RALYL: variants seen among roughly 807,000 people sequenced by gnomAD.
RALYL encodes RNA-binding Raly-like protein.
A neutral mutation model predicts 35.1 loss-of-function variants in RALYL; 29 were observed. The observed-to-expected ratio is 0.83, with a 90% CI of 0.61 to 1.13. The LOEUF is 1.13. RALYL is among the 50% of genes most tolerant of loss of function. The pLI, the probability that RALYL is intolerant of heterozygous loss-of-function variation, is 0.00. For missense variants in RALYL, 359 were observed against 360.4 expected (o/e 1.00, Z 0.03); for synonymous variants, 120 against 127.6 (o/e 0.94, Z 0.40).
chr8:84,376,901 C>T (rs747628484), intron 1 of RALYL, among the ~76,000 whole-genome samples: 3 of 151,714 alleles, frequency 2.0e-5, no homozygotes, highest in Non-Finnish European at 4.4e-5. Context: ...ATTTACCCTA[C>T]CTGGAATACT....
chr8:84,390,669 C>T (rs1159939068), intron 1 of RALYL, among the ~76,000 whole-genome samples: 2 of 152,012 alleles, frequency 1.3e-5, no homozygotes, highest in Non-Finnish European at 2.9e-5. Context: ...GTTTCTATTT[C>T]TGTGGGATCA....
intron 2 of RALYL, among the ~76,000 whole-genome samples, chr8:84,621,777 A>G (rs1260925355): frequency 1.3e-5 from 2 of 152,212 alleles, no homozygotes. Flanking sequence ...ATTGTAAGAG[A>G]TGAGTTCTAA....
chr8:84,617,846 A>T (rs1820187479), intron 2 of RALYL, among the ~76,000 whole-genome samples: 1 of 151,722 alleles, frequency 6.6e-6, no homozygotes, highest in African/African-American at 2.4e-5. Flanking sequence ...ATCTATTGAG[A>T]TAATCATGTG....
rs775564493 is a variant in RALYL at position 84,529,618 on chromosome 8, A to G, written c.256+41A>G. The G allele has an allele frequency of 3.8e-6, 6 of 1,568,668 alleles. No individual in the cohort carries two copies. In the Admixed American group the frequency reaches 7.0e-5, roughly 18 times the overall value. On this transcript the variant is annotated intron_variant, in intron 2 of 8. Transcript: ENST00000521268. ...ACATGGATCTCACGTTATTGTTCAT[A>G]TATCTGGAAATTGTTTTATTTCACA...
At chr8:84,821,442 T>C (rs529060379) in intron 4 of RALYL, among the ~76,000 whole-genome samples, 2 of 152,318 alleles carry the variant, frequency 1.3e-5, no homozygotes, top group East Asian at 1.9e-4. Flanking sequence ...TCTTCTGAGT[T>C]TCATCTGCAC....
chr8:84,283,389 A>G, intron 1 of RALYL, among the ~76,000 whole-genome samples: 1 of 152,118 alleles, frequency 6.6e-6, no homozygotes, highest in East Asian at 1.9e-4. Context: ...CCATCAAAGG[A>G]AAAAAGGCAA....
intron 6 of RALYL, chr8:84,864,986 GCTAA>G (rs1356444277): frequency 3.0e-5 from 6 of 201,978 alleles, no homozygotes; most frequent in Admixed American, 1.2e-4. Flanking sequence ...AGTCACAAAA[GCTAA>G]CTGTTGATTA....
chr8:84,260,010 C>G (rs1464326327), intron 1 of RALYL, among the ~76,000 whole-genome samples: 2 of 152,130 alleles, frequency 1.3e-5, no homozygotes, highest in Admixed American at 6.6e-5. Context: ...GCATTAAAAA[C>G]TGACTGTGTA....
intron 1 of RALYL, among the ~76,000 whole-genome samples, chr8:84,262,924 C>T (rs1009672025): frequency 6.6e-6 from 1 of 152,016 alleles, no homozygotes; most frequent in Non-Finnish European, 1.5e-5. Flanking sequence ...ATGGTCAAAT[C>T]AATTGGAAAG....
At chr8:84,435,293 C>G (rs2047581264) in intron 1 of RALYL, among the ~76,000 whole-genome samples, 1 of 152,056 alleles carries the variant, frequency 6.6e-6, no homozygotes, top group Non-Finnish European at 1.5e-5. Flanking sequence ...GAATGTGATT[C>G]CCTTCTCTAA....
intron 4 of RALYL, among the ~76,000 whole-genome samples, chr8:84,810,916 G>A (rs551846123): frequency 3.3e-5 from 5 of 152,102 alleles, no homozygotes; most frequent in Non-Finnish European, 5.9e-5. Flanking sequence ...AGGCAGCAGA[G>A]AGTTGATTGG....
chr8:84,385,493 AC>A (rs1179505505), intron 1 of RALYL, among the ~76,000 whole-genome samples: 1 of 151,778 alleles, frequency 6.6e-6, no homozygotes, highest in African/African-American at 2.4e-5. Flanking sequence ...GGATGAGTAC[AC>A]CTTATCCATC....
chr8:84,502,025 T>C (rs567785518), intron 1 of RALYL, among the ~76,000 whole-genome samples: 2 of 151,028 alleles, frequency 1.3e-5, no homozygotes, highest in African/African-American at 4.9e-5. Flanking sequence ...TTTCACAAAC[T>C]ATTTTGTAAT....
At chr8:84,289,190 T>C (rs1214088258) in intron 1 of RALYL, among the ~76,000 whole-genome samples, 3 of 152,208 alleles carry the variant, frequency 2.0e-5, no homozygotes, top group East Asian at 1.9e-4. Flanking sequence ...ACAGCAGCAC[T>C]ATCTCCCTTG....
chr8:84,497,536 A>G (rs1026985401), intron 1 of RALYL, among the ~76,000 whole-genome samples: 1 of 152,026 alleles, frequency 6.6e-6, no homozygotes, highest in Non-Finnish European at 1.5e-5. Context: ...ATAAGTGAGG[A>G]TAGTATCATA....
intron 2 of RALYL, among the ~76,000 whole-genome samples, chr8:84,704,446 GACACACAC>G (rs3068023): frequency 6.7e-5 from 7 of 104,034 alleles, no homozygotes; most frequent in Non-Finnish European, 1.5e-4. Context: ...AATACACACA[GACACACAC>G]ACACACACAC....
At chr8:84,844,327 T>C (rs1834113385) in intron 4 of RALYL, among the ~76,000 whole-genome samples, 2 of 152,268 alleles carry the variant, frequency 1.3e-5, no homozygotes, top group Admixed American at 1.3e-4. Flanking sequence ...CAGACACTTC[T>C]CAAAAGAAGA....
chr8:84,415,283 G>A (rs2044564782), intron 1 of RALYL, among the ~76,000 whole-genome samples: 1 of 147,742 alleles, frequency 6.8e-6, no homozygotes, highest in Admixed American at 6.9e-5. Flanking sequence ...CACCCAGGTT[G>A]GAGTGCAACG....
At chr8:84,613,282 AC>A (rs1433158258) in intron 2 of RALYL, among the ~76,000 whole-genome samples, 1 of 151,574 alleles carries the variant, frequency 6.6e-6, no homozygotes, top group Non-Finnish European at 1.5e-5. Context: ...TAAAGGAAAA[AC>A]ATAAAATATA....
Sources: gnomAD v4.1 joint callset for allele counts (sites outside exome capture counted in the v4.1 genomes callset) on GRCh38, gnomAD v4.1.1 for gene constraint, MANE v1.5 for transcripts, NCBI Gene and HGNC (gene_info 2026-07-23, HGNC 2026-07-21) for gene names.